TMEM164: variants seen among roughly 807,000 people sequenced by gnomAD.
TMEM164 encodes RP13-360B22.2.
In TMEM164, 4 loss-of-function variants were observed where a neutral mutation model predicts 18.8. The ratio of observed to expected loss-of-function variants is 0.21; its 90% CI spans 0.10 to 0.49. TMEM164 has a LOEUF of 0.49. Ranked by LOEUF, TMEM164 falls within the 20% of genes least tolerant of loss-of-function variation. The pLI, the probability that TMEM164 is intolerant of heterozygous loss-of-function variation, is 0.98. For synonymous variants in TMEM164, 86 were observed against 101.7 expected (o/e 0.85, Z 0.93); for missense variants, 108 against 239.9 (o/e 0.45, Z 3.63).
At chrX:110,181,208 T>C (rs1242355299), downstream of TMEM164, among the ~76,000 whole-genome samples, 1 of 112,261 alleles carries the variant, frequency 8.9e-6, no homozygotes, top group Non-Finnish European at 1.9e-5. Context: ...AGTCATCTCT[T>C]TGACCTGACC....
At chrX:110,125,123 C>A (rs1425502337) in intron 4 of TMEM164, among the ~76,000 whole-genome samples, 2 of 112,013 alleles carry the variant, frequency 1.8e-5, no homozygotes, top group African/African-American at 6.5e-5. Context: ...ACGGTCATAA[C>A]AATTCCTGAA....
At chrX:110,145,172 C>T (rs183795763) in intron 5 of TMEM164, among the ~76,000 whole-genome samples, 4 of 110,679 alleles carry the variant, frequency 3.6e-5, no homozygotes, top group African/African-American at 9.9e-5. Flanking sequence ...TTGCATGGAG[C>T]CCCCCACACT....
At chrX:110,002,913 C>G (rs1372300325), upstream of TMEM164, 2 of 110,758 alleles carry the variant, frequency 1.8e-5, no homozygotes, top group Non-Finnish European at 3.8e-5. Context: ...CTGGCCCGGC[C>G]TCCCGCCTTC....
At chrX:110,143,901 G>A (rs181666650) in intron 4 of TMEM164, among the ~76,000 whole-genome samples, 6 of 110,838 alleles carry the variant, frequency 5.4e-5, no homozygotes, top group Admixed American at 1.9e-4. Flanking sequence ...AGCTGCCAAA[G>A]TTCTTTTTTC....
At chrX:110,045,243 C>G (rs1448649852) in intron 2 of TMEM164, among the ~76,000 whole-genome samples, 2 of 111,643 alleles carry the variant, frequency 1.8e-5, no homozygotes, top group Non-Finnish European at 3.8e-5. Flanking sequence ...CCTCTTTACC[C>G]CAGGGAGCTG....
chrX:110,133,667 C>T (rs1157782716), intron 4 of TMEM164, among the ~76,000 whole-genome samples: 2 of 111,895 alleles, frequency 1.8e-5, no homozygotes, highest in African/African-American at 6.5e-5. Flanking sequence ...ATTCTCTTCA[C>T]CCTCCTCCTT....
chrX:110,140,163 G>A (rs922942832), intron 4 of TMEM164, among the ~76,000 whole-genome samples: 6 of 111,417 alleles, frequency 5.4e-5, no homozygotes, highest in African/African-American at 1.6e-4. Context: ...TACATGGAGG[G>A]GGCCGTAAAT....
chrX:110,090,537 G>GA (rs2065910653), intron 3 of TMEM164, among the ~76,000 whole-genome samples: 7 of 110,322 alleles, frequency 6.3e-5, no homozygotes, highest in Admixed American at 1.9e-4. Flanking sequence ...GGATGGTCTT[G>GA]ATCTCCTGAC....
At chrX:110,130,919 CAGAAG>C (rs1027397341) in intron 4 of TMEM164, among the ~76,000 whole-genome samples, 3 of 111,758 alleles carry the variant, frequency 2.7e-5, no homozygotes, top group Non-Finnish European at 3.8e-5. Flanking sequence ...GAGAGTTAAA[CAGAAG>C]AGAAGAGAAG....
intron 5 of TMEM164, among the ~76,000 whole-genome samples, chrX:110,163,753 A>G (rs1458251179): frequency 8.9e-6 from 1 of 112,095 alleles, no homozygotes; most frequent in Non-Finnish European, 1.9e-5. Context: ...GACTGGAGTG[A>G]TGCTGTTGAG....
At chrX:110,150,361 A>G (rs1231311779) in intron 5 of TMEM164, among the ~76,000 whole-genome samples, 1 of 111,949 alleles carries the variant, frequency 8.9e-6, no homozygotes, top group Non-Finnish European at 1.9e-5. Context: ...CTGGCGTCAT[A>G]TATGAAGGCT....
At chrX:110,096,707 G>A (rs2066025877) in intron 3 of TMEM164, among the ~76,000 whole-genome samples, 1 of 112,131 alleles carries the variant, frequency 8.9e-6, no homozygotes, top group African/African-American at 3.2e-5. Context: ...ACAATCCCCA[G>A]TGAGATGAAC....
rs759244264 is a variant in TMEM164, at chrX:110,092,323, G to A, written c.441-16757G>A. ...GCAGTATGGCCATTTTCACAATATC[G>A]ATACTTCCTATCCATGAGCATGGAA... On this transcript the variant is annotated intron_variant, in intron 3 of 6. Coordinates refer to ENST00000372068, the MANE Select transcript of TMEM164 (RefSeq NM_032227.4). Among the ~76,000 whole-genome samples the A allele has an allele frequency of 5.4e-5, 6 of 111,779 alleles. No homozygotes were observed. The South Asian group carries it at 2.2e-3, about 42-fold the overall frequency.
intron 2 of TMEM164, among the ~76,000 whole-genome samples, chrX:110,019,159 T>G (rs1385255377): frequency 9.0e-6 from 1 of 111,479 alleles, no homozygotes; most frequent in Non-Finnish European, 1.9e-5. Context: ...TTGGGGGATT[T>G]GGAATGAAAC....
intron 2 of TMEM164, among the ~76,000 whole-genome samples, chrX:110,046,682 G>C (rs975020546): frequency 7.1e-5 from 8 of 112,353 alleles, no homozygotes; most frequent in Admixed American, 2.8e-4. Flanking sequence ...AAATAGAGTT[G>C]GGGGCAATTG....
chrX:110,131,961 G>A (rs948627739), intron 4 of TMEM164, among the ~76,000 whole-genome samples: 3 of 111,444 alleles, frequency 2.7e-5, no homozygotes, highest in African/African-American at 9.8e-5. Flanking sequence ...CTATATTATG[G>A]CAGCTAGGTA....
At chrX:110,150,824 TA>T (rs2066928826) in intron 5 of TMEM164, among the ~76,000 whole-genome samples, 1 of 111,908 alleles carries the variant, frequency 8.9e-6, no homozygotes, top group African/African-American at 3.2e-5. Flanking sequence ...TTTTTTTTTA[TA>T]GTGGCATAAT....
intron 4 of TMEM164, among the ~76,000 whole-genome samples, chrX:110,124,121 T>TGGAAGGAAGGAAGGAA (rs1200145593): frequency 3.4e-4 from 22 of 65,324 alleles, no homozygotes; most frequent in African/African-American, 4.3e-4. Context: ...TAATAACAAA[T>TGGAAGGAAGGAAGGAA]GGAAGGAAGG....
intron 2 of TMEM164, among the ~76,000 whole-genome samples, chrX:110,005,804 G>C (rs755351900): frequency 1.8e-5 from 2 of 111,772 alleles, no homozygotes; most frequent in Non-Finnish European, 3.8e-5. Flanking sequence ...GTGTGAGGCT[G>C]TCGGGACAGG....
Sources: allele counts gnomAD v4.1 joint callset (sites outside exome capture counted in the v4.1 genomes callset), GRCh38; gene constraint gnomAD v4.1.1; transcripts MANE v1.5; gene names NCBI Gene and HGNC (gene_info 2026-07-23, HGNC 2026-07-21).